HSD17B2: variants seen among roughly 807,000 people sequenced by gnomAD.
The protein encoded by HSD17B2 is 17-beta-hydroxysteroid dehydrogenase type 2.
In HSD17B2, 32 loss-of-function variants were observed where a neutral mutation model predicts 26.9. The ratio of observed to expected loss-of-function variants is 1.19; its 90% CI spans 0.90 to 1.60. HSD17B2 has a LOEUF of 1.60. HSD17B2 is among the 40% of genes most tolerant of loss of function. The pLI is 0.00. For synonymous variants in HSD17B2, 246 were observed against 186.7 expected (o/e 1.32, Z -2.59); for missense variants, 613 against 468.6 (o/e 1.31, Z -2.85).
At chr16:82,050,188 T>C (rs1482073110) in intron 1 of HSD17B2, among the ~76,000 whole-genome samples, 1 of 152,252 alleles carries the variant, frequency 6.6e-6, no homozygotes, top group Non-Finnish European at 1.5e-5. Flanking sequence ...TTTATATGCT[T>C]GAAACTGAGT....
chr16:82,079,730 C>T (rs192016431), intron 3 of HSD17B2, among the ~76,000 whole-genome samples: 15 of 151,852 alleles, frequency 9.9e-5, no homozygotes, highest in East Asian at 3.9e-4. Flanking sequence ...GATTTTGAGC[C>T]GGAAAAGAAA....
intron 3 of HSD17B2, among the ~76,000 whole-genome samples, chr16:82,085,159 G>A (rs905865591): frequency 6.6e-6 from 1 of 152,164 alleles, no homozygotes; most frequent in Admixed American, 6.5e-5. Flanking sequence ...CAGACTGTGG[G>A]ATCATTCCTG....
At chr16:82,086,636 T>C (rs1167010966) in intron 3 of HSD17B2, among the ~76,000 whole-genome samples, 1 of 152,130 alleles carries the variant, frequency 6.6e-6, no homozygotes, top group Non-Finnish European at 1.5e-5. Context: ...CTATGCTAAG[T>C]AAGGATAGAA....
intron 1 of HSD17B2, among the ~76,000 whole-genome samples, chr16:82,040,326 A>G (rs1324799676): frequency 1.3e-5 from 2 of 152,220 alleles, no homozygotes; most frequent in African/African-American, 4.8e-5. Flanking sequence ...ATAAACATTG[A>G]CAGTGGACTA....
At chr16:82,048,406 A>C (rs971482101) in intron 1 of HSD17B2, among the ~76,000 whole-genome samples, 1 of 152,196 alleles carries the variant, frequency 6.6e-6, no homozygotes, top group Non-Finnish European at 1.5e-5. Flanking sequence ...AGGAAAGGGC[A>C]CAGGAAGGAG....
chr16:82,090,540 A>G (rs1182703934), intron 3 of HSD17B2, among the ~76,000 whole-genome samples: 1 of 151,968 alleles, frequency 6.6e-6, no homozygotes, highest in Non-Finnish European at 1.5e-5. Context: ...GTTGGTCTCA[A>G]ACTCCTGACC....
chr16:82,053,778 A>G (rs1207783870), intron 1 of HSD17B2, among the ~76,000 whole-genome samples: 1 of 152,230 alleles, frequency 6.6e-6, no homozygotes, highest in Non-Finnish European at 1.5e-5. Flanking sequence ...AGAAAGCTTC[A>G]TCTTGTGTTG....
intron 1 of HSD17B2, chr16:82,044,659 T>A (rs1913865383): frequency 6.6e-6 from 1 of 152,316 alleles, no homozygotes; most frequent in African/African-American, 2.4e-5. Flanking sequence ...TGTCCAATTC[T>A]TTCTGCCAAA....
At chr16:82,087,931 C>A (rs138095476) in intron 3 of HSD17B2, among the ~76,000 whole-genome samples, 1 of 152,150 alleles carries the variant, frequency 6.6e-6, no homozygotes, top group African/African-American at 2.4e-5. Context: ...CCATCCTCAA[C>A]GCCTAATCAC....
rs149530766 is a variant in HSD17B2, at chr16:82,039,198, T to C, written c.265+3509T>C. ...TGGACAGCTGTGTAAACTTTGGTGCTCGGTTTTGGATTTTGGGACTCTGTT... is the reference window on the plus strand; with the variant it reads ...TGGACAGCTGTGTAAACTTTGGTGCCCGGTTTTGGATTTTGGGACTCTGTT... On this transcript the variant is annotated intron_variant, in intron 1 of 4. Transcript: ENST00000199936. 5.5e-3 allele frequency among the ~76,000 whole-genome samples: 833 copies of C among 151,806 alleles called. 10 individuals carry two copies. The highest frequency in any genetic ancestry group is 0.018 in the African/African-American group (750 of 41,302).
Position 82,098,402 on chromosome 16 carries a change from T to C in HSD17B2, c.1130T>C (p.Leu377Pro), listed in dbSNP as rs1904921624. Reference protein sequence around the residue: ...FGQDKPMPRALRMPNYKKKAT With the variant: ...FGQDKPMPRAPRMPNYKKKAT ...CAAGACAAGCCCATGCCCAGAGCTC[T>C]AAGAATGCCTAACTACAAGAAAAAG... Residue 377 changes from leucine to proline, a missense_variant, in exon 5 of 5, where the codon CTA becomes CCA. By Grantham distance (98) the Leu-to-Pro change is moderately conservative (BLOSUM62 -3). Transcript: ENST00000199936. 6.2e-7 allele frequency: 1 copy of C among 1,610,502 alleles called. No individual in the cohort carries two copies. The highest frequency in any genetic ancestry group is 1.7e-5 in the Admixed American group (1 of 59,624).
intron 3 of HSD17B2, chr16:82,090,299 A>ATTGTTT (rs1904647395): frequency 1.6e-5 from 1 of 63,408 alleles, no homozygotes; most frequent in Non-Finnish European, 2.6e-5. Context: ...CCTAAACTAC[A>ATTGTTT]TTGTTTTTTT....
At chr16:82,083,941 C>T (rs982718799) in intron 3 of HSD17B2, among the ~76,000 whole-genome samples, 1 of 152,150 alleles carries the variant, frequency 6.6e-6, no homozygotes, top group African/African-American at 2.4e-5. Flanking sequence ...TCTGATGGTA[C>T]AAAGAGCAGT....
intron 1 of HSD17B2, among the ~76,000 whole-genome samples, chr16:82,038,386 G>C (rs747158256): frequency 1.5e-4 from 23 of 152,086 alleles, no homozygotes; most frequent in Non-Finnish European, 2.9e-4. Context: ...GTCTCAATCT[G>C]TTGCCCAGGC....
intron 1 of HSD17B2, chr16:82,044,720 G>T (rs1049682704): frequency 3.9e-5 from 6 of 152,312 alleles, no homozygotes; most frequent in Non-Finnish European, 8.8e-5. Context: ...GAGGGTAGAG[G>T]AGCCAGAGGG....
At chr16:82,064,509 C>G (rs148435059) in intron 1 of HSD17B2, among the ~76,000 whole-genome samples, 223 of 152,128 alleles carry the variant, frequency 1.5e-3, no homozygotes, top group African/African-American at 4.8e-3. Context: ...TTTCATTTAT[C>G]TTGGGTACAC....
chr16:82,095,692 G>T (rs1353662416), intron 4 of HSD17B2: 1 of 152,206 alleles, frequency 6.6e-6, no homozygotes, highest in Non-Finnish European at 1.5e-5. Context: ...ATTGGATAGG[G>T]AAGTGATTGG....
chr16:82,043,711 A>G (rs1913833506), intron 1 of HSD17B2, among the ~76,000 whole-genome samples: 2 of 150,644 alleles, frequency 1.3e-5, no homozygotes, highest in South Asian at 2.1e-4. Context: ...AAAAAAAAAA[A>G]AAATCATATA....
intron 1 of HSD17B2, among the ~76,000 whole-genome samples, chr16:82,054,148 T>TCA (rs2143944755): frequency 6.6e-6 from 1 of 151,042 alleles, no homozygotes; most frequent in African/African-American, 2.4e-5. Flanking sequence ...TTTACTCTGT[T>TCA]ATCAGTCCAA....
Sources: allele counts gnomAD v4.1 joint callset (sites outside exome capture counted in the v4.1 genomes callset), GRCh38; gene constraint gnomAD v4.1.1; transcripts MANE v1.5; gene names NCBI Gene and HGNC (gene_info 2026-07-23, HGNC 2026-07-21).